The following FIBCD1 variants were observed in gnomAD, a reference collection of about 807,000 sequenced individuals.
FIBCD1 encodes fibrinogen C domain containing 1, also known as fibrinogen C domain-containing protein 1.
Under a neutral mutation model 45.1 loss-of-function variants are expected in FIBCD1, and 47 were observed. The observed-to-expected ratio is 1.04, with a 90% CI of 0.82 to 1.33. The LOEUF (loss-of-function observed/expected upper bound fraction) is 1.33, where lower values mean the gene tolerates loss of function less well. Among genes scored for constraint, FIBCD1 ranks in the 40% most tolerant of loss-of-function variants. FIBCD1 has a pLI of 0.00. For missense variants in FIBCD1, 653 were observed against 682.2 expected (o/e 0.96, Z 0.48); for synonymous variants, 313 against 308.1 (o/e 1.02, Z -0.17).
In FIBCD1 at chr9:130,912,013, G is replaced by A. The variant is rs555125900; in HGVS notation, c.850-125C>T. 1.2e-4 allele frequency: 102 copies of A among 816,676 alleles called. No individual in the cohort carries two copies. In the Middle Eastern group the frequency reaches 3.3e-3, roughly 27 times the overall value. 50.6% of individuals were successfully genotyped at this position (816,676 alleles called of 1,614,324 possible). A position where few individuals can be genotyped will look rare whatever the true frequency, so the allele number is the denominator to read the frequency against. On this transcript the variant is annotated intron_variant, in intron 4 of 6. Transcript: ENST00000372338. Reference sequence around the variant, plus strand: ...CCAACCTGCCCTCTCGGGAGGGCAGGGGCCTGGTTGCCCACTTCCCGCAAC... The same window carrying A: ...CCAACCTGCCCTCTCGGGAGGGCAGAGGCCTGGTTGCCCACTTCCCGCAAC...
intron 4 of FIBCD1, among the ~76,000 whole-genome samples, chr9:130,912,789 C>A (rs1832083662): frequency 6.8e-6 from 1 of 147,808 alleles, no homozygotes; most frequent in African/African-American, 2.6e-5. Flanking sequence ...CTTCGGTTTC[C>A]CCAATGGTCA....
rs1046975853 is a variant in FIBCD1, at chr9:130,922,213, C to A, written c.849+1531G>T. Among the ~76,000 whole-genome samples, 11 of 152,214 alleles carry A rather than the reference C, an allele frequency of 7.2e-5. No homozygotes were observed. Among genetic ancestry groups the A allele is most frequent in the Non-Finnish European group, 2.9e-5 (2 of 68,022 alleles). ...AAATAGTCAGCACCAAGATCCCAGG[C>A]GAGATGCGTCCCGCACTCAGTGGCA... is the stretch of plus-strand genomic sequence containing the variant. On this transcript the variant is annotated intron_variant, in intron 4 of 6. Coordinates refer to ENST00000372338, the MANE Select transcript of FIBCD1 (RefSeq NM_032843.5). The surrounding 1 kb of genome is among the most constrained non-coding windows in gnomAD (Gnocchi z 4.5).
chr9:130,933,921 G>C (rs1361540654), intron 1 of FIBCD1: 1 of 152,682 alleles, frequency 6.5e-6, no homozygotes, highest in Non-Finnish European at 1.5e-5. Context: ...GTTAGACCCA[G>C]GTGAGTGCCC....
rs1832323241 is a variant in FIBCD1 at position 130,924,403 on chromosome 9, A to C, written c.553-7T>G. On this transcript the variant is annotated splice_region_variant and splice_polypyrimidine_tract_variant and intron_variant, in intron 2 of 6. Coordinates refer to ENST00000372338, the MANE Select transcript of FIBCD1 (RefSeq NM_032843.5). ...CCTGGCTCTCAGAGAGAAGCTGCGGAGCACAGGGGGTGAGCCGAGGGGGCA... is the reference window on the plus strand; with the variant it reads ...CCTGGCTCTCAGAGAGAAGCTGCGGCGCACAGGGGGTGAGCCGAGGGGGCA... The C allele has an allele frequency of 1.9e-6, 3 of 1,604,422 alleles. No homozygotes were observed. The Admixed American group carries it at 5.1e-5, about 27-fold the overall frequency.
intron 5 of FIBCD1, among the ~76,000 whole-genome samples, 186 bp downstream of exon 5, chr9:130,911,606 C>T (rs967647467): frequency 1.3e-5 from 2 of 152,366 alleles, no homozygotes; most frequent in South Asian, 2.1e-4. Flanking sequence ...CTTCCGTTGG[C>T]AATGTCTGGC....
chr9:130,921,521 T>C (rs1588109574), intron 4 of FIBCD1, among the ~76,000 whole-genome samples: 1 of 152,222 alleles, frequency 6.6e-6, no homozygotes, highest in Non-Finnish European at 1.5e-5. Context: ...GCGCCAGGGC[T>C]GGCGGGGATT....
chr9:130,903,949 T>C lies in FIBCD1; in HGVS notation c.*115A>G. 1 of 1,406,562 alleles carries C rather than the reference T, an allele frequency of 7.1e-7. No homozygotes were observed. Among genetic ancestry groups the C allele is most frequent in the South Asian group, 1.2e-5 (1 of 80,562 alleles). The allele number at this position is 1,406,562 out of a possible 1,614,324, so 87.1% of individuals were successfully genotyped here. On this transcript the variant is annotated 3_prime_UTR_variant, in exon 7 of 7. Coordinates refer to ENST00000372338, the MANE Select transcript of FIBCD1 (RefSeq NM_032843.5). ...TGTCAGGGATGGCCCGGCCCCTCCC[T>C]ACTGGAGAGTGGGTCCGCCAGGCAC...
Position 130,926,033 on chromosome 9 carries a change from G to A in FIBCD1, c.553-1637C>T, listed in dbSNP as rs1241447435. 6.6e-6 allele frequency among the ~76,000 whole-genome samples: 1 copy of A among 152,184 alleles called. No individual in the cohort carries two copies. Among genetic ancestry groups the A allele is most frequent in the South Asian group, 2.1e-4 (1 of 4,820 alleles). Reference sequence around the variant, plus strand: ...GGCCAGGGGAGAGAGGAGCAGAGATGGGCAGGCAGGGCGTTTGGGTTTCAC... The same window carrying A: ...GGCCAGGGGAGAGAGGAGCAGAGATAGGCAGGCAGGGCGTTTGGGTTTCAC... On this transcript the variant is annotated intron_variant, in intron 2 of 6. Coordinates refer to ENST00000372338, the MANE Select transcript of FIBCD1 (RefSeq NM_032843.5). This position sits in a 1 kb window ranked among gnomAD's most constrained non-coding sequence, Gnocchi z 4.1.
intron 4 of FIBCD1, among the ~76,000 whole-genome samples, chr9:130,912,319 T>G (rs1230824036): frequency 7.0e-6 from 1 of 142,934 alleles, no homozygotes; most frequent in Admixed American, 7.4e-5. Context: ...GGCAGAAGGA[T>G]CCCTTGAGCC....
intron 1 of FIBCD1, among the ~76,000 whole-genome samples, chr9:130,934,874 G>A (rs1474828419): frequency 2.0e-5 from 3 of 152,116 alleles, no homozygotes; most frequent in Non-Finnish European, 4.4e-5. Context: ...GCTAAACAGT[G>A]AGCTCAGAAG....
Position 130,904,258 on chromosome 9 carries a change from CTGAA to C in FIBCD1, c.1188_1191del (p.His396GlnfsTer56), listed in dbSNP as rs2133063381. 6.2e-7 allele frequency: 1 copy of C among 1,613,716 alleles called. No homozygotes were observed. Among genetic ancestry groups the C allele is most frequent in the South Asian group, 1.1e-5 (1 of 91,074 alleles). ...CGGTAGAAGGCGGCACAGTTGTTCT[CTGAA>C]TGGTCGCTGTCACGGTCCTTGGTGG... is the stretch of plus-strand genomic sequence containing the variant. On this transcript the variant is annotated frameshift_variant, in exon 7 of 7. Transcript: ENST00000372338. LOFTEE classifies it high-confidence loss of function.
At chr9:130,937,749 C>T (rs1267977577) in intron 1 of FIBCD1, among the ~76,000 whole-genome samples, 1 of 152,208 alleles carries the variant, frequency 6.6e-6, no homozygotes, top group Non-Finnish European at 1.5e-5. Context: ...GGCTCCCCTC[C>T]GCCTTGGCTT....
intron 1 of FIBCD1, among the ~76,000 whole-genome samples, chr9:130,931,536 CA>C (rs1274564070): frequency 2.6e-5 from 4 of 151,344 alleles, no homozygotes; most frequent in Non-Finnish European, 5.9e-5. Context: ...AAACAAAAAA[CA>C]AAAACGGAAA....
chr9:130,923,913 G>C (rs1365589167), intron 3 of FIBCD1, 33 bp from the exon 4 acceptor site: 41 of 1,610,860 alleles, frequency 2.5e-5, no homozygotes, highest in Non-Finnish European at 3.5e-5. Flanking sequence ...GGTGGCTGCG[G>C]CCCCAGCACG....
chr9:130,934,143 G>T (rs1024768725), intron 1 of FIBCD1, among the ~76,000 whole-genome samples: 1 of 152,170 alleles, frequency 6.6e-6, no homozygotes, highest in Non-Finnish European at 1.5e-5. Flanking sequence ...CCCTGCCTCA[G>T]GCCAGAGCCT....
intron 2 of FIBCD1, among the ~76,000 whole-genome samples, chr9:130,927,650 G>A (rs1166047559): frequency 6.6e-6 from 1 of 152,222 alleles, no homozygotes; most frequent in South Asian, 2.1e-4. Context: ...GCAGGGGGTT[G>A]GGGATGAGGC....
intron 3 of FIBCD1, 43 bp downstream of exon 3, chr9:130,924,193 TG>T: frequency 6.6e-7 from 1 of 1,518,070 alleles, no homozygotes; most frequent in Admixed American, 2.1e-5. Flanking sequence ...TCCCCAGAGC[TG>T]GGACCCGAGG....
chr9:130,932,658 C>G (rs1488079481), intron 1 of FIBCD1, among the ~76,000 whole-genome samples: 2 of 152,236 alleles, frequency 1.3e-5, no homozygotes, highest in Admixed American at 6.5e-5. Flanking sequence ...TCCACTCCCC[C>G]CAGCTTGGAG....
intron 1 of FIBCD1, among the ~76,000 whole-genome samples, chr9:130,936,723 C>T (rs550282113): frequency 6.6e-6 from 1 of 152,382 alleles, no homozygotes; most frequent in South Asian, 2.1e-4. Context: ...CTCTCAATGC[C>T]TGACCTGAGC....
Sources: allele counts gnomAD v4.1 joint callset (sites outside exome capture counted in the v4.1 genomes callset), GRCh38; gene constraint gnomAD v4.1.1; non-coding constraint Gnocchi (gnomAD v3.1); transcripts MANE v1.5; gene names NCBI Gene and HGNC (gene_info 2026-07-23, HGNC 2026-07-21).